MICAL2: variants seen among roughly 807,000 people sequenced by gnomAD.
MICAL2 encodes the protein [F-actin]-monooxygenase MICAL2.
Under a neutral mutation model 127.3 loss-of-function variants are expected in MICAL2, and 77 were observed. That is an observed-to-expected ratio of 0.60 (90% CI 0.50 to 0.73). The LOEUF is 0.73. Ranked by LOEUF, MICAL2 falls within the 30% of genes least tolerant of loss-of-function variation. The pLI is 0.00. For missense variants in MICAL2, 1,351 were observed against 1,434.4 expected (o/e 0.94, Z 0.94); for synonymous variants, 570 against 551.1 (o/e 1.03, Z -0.48).
chr11:12,355,374 G>A (rs1430869585), intron 34 of MICAL2, among the ~76,000 whole-genome samples: 1 of 152,190 alleles, frequency 6.6e-6, no homozygotes, highest in African/African-American at 2.4e-5. Context: ...CATCACACAT[G>A]AGAAAACGAT....
chr11:12,171,030 C>A (rs1326716501), intron 3 of MICAL2, among the ~76,000 whole-genome samples: 1 of 152,168 alleles, frequency 6.6e-6, no homozygotes, highest in Non-Finnish European at 1.5e-5. Context: ...GAAGACAAAA[C>A]CAGACAATCC....
chr11:12,136,254 A>G (rs1369954458), intron 1 of MICAL2, among the ~76,000 whole-genome samples: 1 of 152,122 alleles, frequency 6.6e-6, no homozygotes, highest in Non-Finnish European at 1.5e-5. Flanking sequence ...AAAGGAAAAT[A>G]TAGTGTCAGG....
At chr11:12,233,399 C>T (rs921728610) in intron 15 of MICAL2, among the ~76,000 whole-genome samples, 2 of 152,218 alleles carry the variant, frequency 1.3e-5, no homozygotes, top group Non-Finnish European at 2.9e-5. Flanking sequence ...CCCAAATCAA[C>T]AAAACCATAG....
chr11:12,266,176 A>G (rs1036685926), downstream of MICAL2, among the ~76,000 whole-genome samples: 13 of 152,210 alleles, frequency 8.5e-5, no homozygotes, highest in African/African-American at 3.1e-4. Context: ...TAAAACTGTA[A>G]GAAAAAAATA....
rs148251633 is a variant in MICAL2 at position 12,160,548 on chromosome 11, C to T, written c.-77-1531C>T. ...ACTTGCTGTCATTCCACCACTGTCCCGCTCTTTCCACACTCACATCCCTGT... is the reference window on the plus strand; with the variant it reads ...ACTTGCTGTCATTCCACCACTGTCCTGCTCTTTCCACACTCACATCCCTGT... On this transcript the variant is annotated intron_variant, in intron 2 of 27. Transcript: ENST00000683283. Among the ~76,000 whole-genome samples the T allele has an allele frequency of 3.4e-3, 519 of 152,342 alleles. 1 individual carries two copies. The highest frequency in any genetic ancestry group is 0.012 in the African/African-American group (500 of 41,568).
downstream of MICAL2, among the ~76,000 whole-genome samples, chr11:12,287,947 C>A (rs1391783383): frequency 6.6e-6 from 1 of 152,202 alleles, no homozygotes; most frequent in Non-Finnish European, 1.5e-5. Flanking sequence ...GAGGAGGACC[C>A]AGAAAGGCCT....
intron 7 of MICAL2, among the ~76,000 whole-genome samples, chr11:12,213,666 C>T (rs1855798936): frequency 6.6e-6 from 1 of 152,144 alleles, no homozygotes; most frequent in African/African-American, 2.4e-5. Flanking sequence ...CATTACATGC[C>T]AATTCTCAGT....
intron 2 of MICAL2, among the ~76,000 whole-genome samples, chr11:12,155,034 A>G (rs1854003404): frequency 6.6e-6 from 1 of 152,202 alleles, no homozygotes; most frequent in African/African-American, 2.4e-5. Context: ...GAAATGAGAC[A>G]GGATGGTAAA....
intron 3 of MICAL2, among the ~76,000 whole-genome samples, chr11:12,165,028 A>G (rs1855310830): frequency 6.6e-6 from 1 of 151,802 alleles, no homozygotes; most frequent in Admixed American, 6.6e-5. Context: ...AGTCCCAGCT[A>G]CTCAGGAGGC....
chr11:12,310,211 T>C (rs1473731962), intron 29 of MICAL2, among the ~76,000 whole-genome samples: 1 of 152,182 alleles, frequency 6.6e-6, no homozygotes, highest in Non-Finnish European at 1.5e-5. Context: ...TTGCTTTTGT[T>C]AGCTGTGCTT....
intron 1 of MICAL2, among the ~76,000 whole-genome samples, chr11:12,277,049 C>T (rs1025737643): frequency 4.6e-5 from 7 of 151,844 alleles, no homozygotes; most frequent in South Asian, 2.1e-4. Flanking sequence ...CATTACACCA[C>T]GATTGTGTAA....
intron 1 of MICAL2, among the ~76,000 whole-genome samples, chr11:12,134,735 A>T (rs1851701998): frequency 6.6e-6 from 1 of 152,200 alleles, no homozygotes; most frequent in African/African-American, 2.4e-5. Context: ...TATGCCTCTC[A>T]TACCAACACT....
intron 2 of MICAL2, among the ~76,000 whole-genome samples, chr11:12,282,528 T>C (rs1017991412): frequency 2.6e-5 from 4 of 152,170 alleles, no homozygotes; most frequent in Non-Finnish European, 4.4e-5. Flanking sequence ...AGCCTCAAAA[T>C]CAGGTCTAAC....
chr11:12,161,984 T>C, intron 2 of MICAL2, 95 bp from the exon 3 acceptor site: 1 of 711,410 alleles, frequency 1.4e-6, no homozygotes, highest in Non-Finnish European at 2.3e-6. Flanking sequence ...AATATTTGAA[T>C]GTCTTAAAGA....
chr11:12,122,389 TA>T (rs1850580977), intron 1 of MICAL2, among the ~76,000 whole-genome samples: 2 of 152,222 alleles, frequency 1.3e-5, no homozygotes, highest in Non-Finnish European at 2.9e-5. Context: ...TACTGGCCCC[TA>T]AGTGCCTTTT....
chr11:12,175,950 C>G (rs888408904), intron 3 of MICAL2, among the ~76,000 whole-genome samples: 1 of 152,162 alleles, frequency 6.6e-6, no homozygotes, highest in African/African-American at 2.4e-5. Context: ...GGCTTTTACT[C>G]TGCATGAGAT....
intron 3 of MICAL2, among the ~76,000 whole-genome samples, chr11:12,168,300 C>T (rs1165278561): frequency 2.0e-5 from 3 of 150,218 alleles, no homozygotes; most frequent in Admixed American, 6.6e-5. Context: ...CGCCACACAC[C>T]ATACACACAT....
At chr11:12,151,088 T>C (rs1206584151) in intron 2 of MICAL2, among the ~76,000 whole-genome samples, 1 of 152,090 alleles carries the variant, frequency 6.6e-6, no homozygotes, top group Non-Finnish European at 1.5e-5. Flanking sequence ...CCACATCACA[T>C]TGGCTTCCAG....
At chr11:12,209,704 T>C in intron 6 of MICAL2, 106 bp downstream of exon 6, 1 of 1,021,024 alleles carries the variant, frequency 9.8e-7, no homozygotes, top group South Asian at 1.3e-5. Flanking sequence ...CAGAGCTGGA[T>C]GGAGGTTTTG....
Sources: allele counts gnomAD v4.1 joint callset (sites outside exome capture counted in the v4.1 genomes callset), GRCh38; gene constraint gnomAD v4.1.1; transcripts MANE v1.5; gene names NCBI Gene and HGNC (gene_info 2026-07-23, HGNC 2026-07-21).